Variants in LRRC20 observed in about 807,000 individuals in gnomAD.
LRRC20 encodes the protein leucine-rich repeat-containing protein 20.
In LRRC20, 11 loss-of-function variants were observed where a neutral mutation model predicts 14.4. The observed-to-expected ratio is 0.77, with a 90% confidence interval of 0.48 to 1.27. The LOEUF (loss-of-function observed/expected upper bound fraction) is 1.27. Among genes scored for constraint, LRRC20 ranks in the 50% most tolerant of loss-of-function variants. The probability of loss-of-function intolerance (pLI) is 0.00; values close to 1 mark genes in which losing one functional copy is unlikely to be tolerated. For synonymous variants in LRRC20, 121 were observed against 107.3 expected (o/e 1.13, Z -0.79); for missense variants, 219 against 251.2 (o/e 0.87, Z 0.87).
At chr10:70,362,008 G>A (rs780313857) in intron 2 of LRRC20, among the ~76,000 whole-genome samples, 33 of 152,160 alleles carry the variant, frequency 2.2e-4, no homozygotes, top group Non-Finnish European at 4.3e-4. Context: ...CCAACATGGT[G>A]AAACCCCGTC....
At position 70,322,304 on chromosome 10, in the gene LRRC20, C is replaced by T. The variant is rs958714282; in HGVS notation, c.400+1559G>A. Among the ~76,000 whole-genome samples, 5 of 152,320 alleles carry T rather than the reference C, an allele frequency of 3.3e-5. No individual in the cohort carries two copies. In the East Asian group the frequency reaches 7.7e-4, roughly 24 times the overall value. ...CCCACCTGTCTACCCGCTGCACACC[C>T]AGCTCTGTTCTTGCTCAGTTACTGC... On this transcript the variant is annotated intron_variant, in intron 4 of 4. Coordinates refer to ENST00000446961, the MANE Select transcript of LRRC20 (RefSeq NM_001278212.2).
At chr10:70,305,749 T>TA (rs1464455272) in intron 4 of LRRC20, among the ~76,000 whole-genome samples, 1 of 151,754 alleles carries the variant, frequency 6.6e-6, no homozygotes, top group African/African-American at 2.4e-5. Flanking sequence ...GCCAATTTTT[T>TA]TTTTTTTTTG....
intron 3 of LRRC20, among the ~76,000 whole-genome samples, chr10:70,333,033 T>C (rs1325737717): frequency 6.6e-6 from 1 of 152,146 alleles, no homozygotes; most frequent in East Asian, 1.9e-4. Flanking sequence ...AGAGAGGTGC[T>C]TGGGAATGGG....
chr10:70,333,594 T>C (rs1842616975), intron 3 of LRRC20, among the ~76,000 whole-genome samples: 1 of 151,968 alleles, frequency 6.6e-6, no homozygotes, highest in Non-Finnish European at 1.5e-5. Flanking sequence ...GCTGACCCAC[T>C]GCCCAGAAGC....
chr10:70,370,620 G>C (rs529403686), intron 2 of LRRC20, among the ~76,000 whole-genome samples: 1 of 152,252 alleles, frequency 6.6e-6, no homozygotes, highest in South Asian at 2.1e-4. Flanking sequence ...GCACACACCT[G>C]TAACCCCAGC....
intron 3 of LRRC20, among the ~76,000 whole-genome samples, chr10:70,337,210 C>G (rs988702307): frequency 2.0e-5 from 3 of 152,182 alleles, no homozygotes; most frequent in African/African-American, 7.2e-5. Flanking sequence ...ACAGAGCAGG[C>G]CTGCTGAGCT....
intron 3 of LRRC20, among the ~76,000 whole-genome samples, chr10:70,338,460 C>T (rs181013554): frequency 2.0e-5 from 3 of 152,330 alleles, no homozygotes; most frequent in South Asian, 4.1e-4. Context: ...ATCCCTATCA[C>T]GTAGAGCATT....
chr10:70,311,221 C>CCTTTTTTTTTTTT (rs1491407192), intron 4 of LRRC20, among the ~76,000 whole-genome samples: 1 of 120,598 alleles, frequency 8.3e-6, no homozygotes, highest in Non-Finnish European at 1.7e-5. Flanking sequence ...TTCAACATTC[C>CCTTTTTTTTTTTT]ATTTTTTTTT....
At chr10:70,362,080 G>C (rs1456103169) in intron 2 of LRRC20, among the ~76,000 whole-genome samples, 1 of 152,206 alleles carries the variant, frequency 6.6e-6, no homozygotes, top group East Asian at 1.9e-4. Flanking sequence ...AGCTACTCAG[G>C]AGACTGAAGC....
intron 2 of LRRC20, among the ~76,000 whole-genome samples, chr10:70,342,630 A>C (rs1039266908): frequency 6.6e-6 from 1 of 152,190 alleles, no homozygotes; most frequent in Admixed American, 6.5e-5. Context: ...GGAAAAATTA[A>C]ATGTAGTAAA....
intron 2 of LRRC20, among the ~76,000 whole-genome samples, chr10:70,344,363 A>G (rs61685829): frequency 0.39 from 59,019 of 152,050 alleles, 11,615 homozygotes; most frequent in East Asian, 0.58. Context: ...GTGACAAACA[A>G]CATAAATTAA....
intron 2 of LRRC20, among the ~76,000 whole-genome samples, chr10:70,362,854 A>T (rs1018618345): frequency 6.6e-6 from 1 of 152,236 alleles, no homozygotes; most frequent in Non-Finnish European, 1.5e-5. Flanking sequence ...GTGTCACCCC[A>T]AAATTCATAG....
At chr10:70,379,727 T>A (rs1207876483) in intron 1 of LRRC20, among the ~76,000 whole-genome samples, 4 of 152,134 alleles carry the variant, frequency 2.6e-5, no homozygotes, top group African/African-American at 9.7e-5. Flanking sequence ...CTGGGCTGAA[T>A]ATTTTCAATC....
chr10:70,310,421 C>T (rs1422764018), intron 4 of LRRC20, among the ~76,000 whole-genome samples: 1 of 152,178 alleles, frequency 6.6e-6, no homozygotes, highest in Non-Finnish European at 1.5e-5. Flanking sequence ...ATACCATGGG[C>T]CATGCTCCCA....
intron 2 of LRRC20, among the ~76,000 whole-genome samples, chr10:70,370,511 C>T (rs1196287802): frequency 3.3e-5 from 5 of 152,066 alleles, no homozygotes; most frequent in African/African-American, 1.2e-4. Context: ...CCTAGCACTT[C>T]GGGAGGCTGA....
intron 4 of LRRC20, among the ~76,000 whole-genome samples, chr10:70,304,581 T>TTACCATAC (rs1279036130): frequency 6.7e-6 from 1 of 150,010 alleles, no homozygotes; most frequent in Non-Finnish European, 1.5e-5. Flanking sequence ...ACAAATAAAT[T>TTACCATAC]TACCATACTA....
chr10:70,329,345 T>C (rs761034433), intron 3 of LRRC20, among the ~76,000 whole-genome samples: 17 of 152,206 alleles, frequency 1.1e-4, no homozygotes, highest in Non-Finnish European at 2.4e-4. Context: ...TTTATGGCAG[T>C]GGTTAGAACT....
At chr10:70,353,942 G>A (rs1036913223) in intron 2 of LRRC20, among the ~76,000 whole-genome samples, 1 of 152,148 alleles carries the variant, frequency 6.6e-6, no homozygotes, top group Non-Finnish European at 1.5e-5. Flanking sequence ...ATATAAAAGG[G>A]GACTTAGAGT....
chr10:70,356,624 G>C (rs532480048), intron 2 of LRRC20, among the ~76,000 whole-genome samples: 2 of 152,246 alleles, frequency 1.3e-5, no homozygotes, highest in Non-Finnish European at 2.9e-5. Flanking sequence ...AGGCCGAGGC[G>C]GGCAGATCAC....
Sources: allele counts gnomAD v4.1 joint callset (sites outside exome capture counted in the v4.1 genomes callset), GRCh38; gene constraint gnomAD v4.1.1; transcripts MANE v1.5; gene names NCBI Gene and HGNC (gene_info 2026-07-23, HGNC 2026-07-21).